CHD3: variants seen among roughly 807,000 people sequenced by gnomAD.
CHD3 encodes the protein ATP-dependent chromatin remodeler CHD3.
Under a neutral mutation model 248.9 loss-of-function variants are expected in CHD3, and 52 were observed. That is an observed-to-expected ratio of 0.21 (90% CI 0.17 to 0.26). CHD3 has a LOEUF of 0.26. CHD3 is among the 10% of genes least tolerant of loss of function. The pLI is 1.00. For synonymous variants in CHD3, 985 were observed against 985.2 expected (o/e 1.00, Z 0.00); for missense variants, 1,482 against 2,605.8 (o/e 0.57, Z 9.39).
At chr17:7,894,016 A>C in intron 6 of CHD3, 81 bp downstream of exon 6, 2 of 1,582,172 alleles carry the variant, frequency 1.3e-6, no homozygotes, top group Non-Finnish European at 1.7e-6. Flanking sequence ...AAGGATCCAG[A>C]GACAGGGATC....
In CHD3 at chr17:7,907,061, CAG is replaced by C. The variant is rs1971055604; in HGVS notation, c.4666+32_4666+33del. ...TCAGAAGTCAGGATGGTGGGAGAGACAGAAAGGGAGCCAGGAGTCAGGGCGGG... is the reference window on the plus strand; with the variant it reads ...TCAGAAGTCAGGATGGTGGGAGAGACAAAGGGAGCCAGGAGTCAGGGCGGG... On this transcript the variant is annotated intron_variant, in intron 30 of 39. Transcript: ENST00000330494. This position sits in a 1 kb window ranked among gnomAD's most constrained non-coding sequence, Gnocchi z 4.3. The C allele has an allele frequency of 6.2e-7, 1 of 1,613,680 alleles. No homozygotes were observed. The highest frequency in any genetic ancestry group is 1.1e-5 in the South Asian group (1 of 91,068).
At chr17:7,890,908 G>C in intron 3 of CHD3, 32 bp from the exon 4 acceptor site, 1 of 1,613,300 alleles carries the variant, frequency 6.2e-7, no homozygotes, top group Non-Finnish European at 8.5e-7. Context: ...GGCTGGAGGA[G>C]CACCTACTTC....
rs1302704436 is a variant in CHD3 at position 7,897,327 on chromosome 17, G to T, written c.1919+33G>T. On this transcript the variant is annotated intron_variant, in intron 11 of 39. Coordinates refer to ENST00000330494, the MANE Select transcript of CHD3 (RefSeq NM_001005273.3). This position sits in a 1 kb window ranked among gnomAD's most constrained non-coding sequence, Gnocchi z 4.8. ...CTCGGTCCCTGGGAAGTCAGACCTG[G>T]TATATGACATTATTCTTACCATGGT... is the stretch of plus-strand genomic sequence containing the variant. 6.4e-7 allele frequency: 1 copy of T among 1,556,250 alleles called. No individual in the cohort carries two copies.
chr17:7,906,410 A>C lies in CHD3; in HGVS notation c.4359-143A>C, dbSNP rs1215636657. 1 of 808,784 alleles carries C rather than the reference A, an allele frequency of 1.2e-6. No individual in the cohort carries two copies. The highest frequency in any genetic ancestry group is 1.6e-5 in the South Asian group (1 of 61,644). The allele number at this position is 808,784 out of a possible 1,614,324, so 50.1% of individuals were successfully genotyped here. ...AGGACTTGGAGGGCTGGTAATGGTG[A>C]GAGTGAGAGGCCCAGGGGAGGAGCC... is the stretch of plus-strand genomic sequence containing the variant. On this transcript the variant is annotated intron_variant, in intron 28 of 39. Coordinates refer to ENST00000330494, the MANE Select transcript of CHD3 (RefSeq NM_001005273.3). The surrounding 1 kb of genome is among the most constrained non-coding windows in gnomAD (Gnocchi z 5.0).
At chr17:7,888,185 G>A (rs551456071), upstream of CHD3, among the ~76,000 whole-genome samples, 56 of 152,296 alleles carry the variant, frequency 3.7e-4, no homozygotes, top group Non-Finnish European at 5.1e-4. Context: ...GGCTCTGGCA[G>A]CCACCCCCCT....
chr17:7,912,272 C>CA lies in CHD3; in HGVS notation c.*692dup, dbSNP rs1331868215. On this transcript the variant is annotated 3_prime_UTR_variant, in exon 40 of 40. Transcript: ENST00000330494. ...CCCTAGGGACCAAGGACCACCCCTA[C>CA]AAAAAGAGTAATGGTTGGGTGATAC... 6.3e-6 allele frequency: 1 copy of CA among 158,996 alleles called. No homozygotes were observed. Among genetic ancestry groups the CA allele is most frequent in the Non-Finnish European group, 1.4e-5 (1 of 73,126 alleles). The allele number at this position is 158,996 out of a possible 1,614,324, so 9.8% of individuals were successfully genotyped here. A position where few individuals can be genotyped will look rare whatever the true frequency, so the allele number is the denominator to read the frequency against.
chr17:7,885,083 G>C, upstream of CHD3: 1 of 970,632 alleles, frequency 1.0e-6, no homozygotes, highest in Non-Finnish European at 1.2e-6. Flanking sequence ...CCCGCCGCCA[G>C]GTAAGCGCCC....
chr17:7,894,364 T>C, intron 7 of CHD3, 51 bp from the exon 8 acceptor site: 1 of 1,588,736 alleles, frequency 6.3e-7, no homozygotes, highest in Non-Finnish European at 8.6e-7. Context: ...CCTCTCTCTC[T>C]CCATCTCCCC....
In CHD3 at chr17:7,908,509, C is replaced by G. The variant is rs764343442; in HGVS notation, c.5260C>G (p.Leu1754Val). ...CTATTGGCTTCTGGCTGGGATTGTCCTGTATCCTTTGATACACATGCAAGA... is the reference window on the plus strand; with the variant it reads ...CTATTGGCTTCTGGCTGGGATTGTCGTGTATCCTTTGATACACATGCAAGA... ...HDYWLLAGIV[L>V]HGYARWQDIQ... The change falls in exon 35 of 40, where the codon CTC becomes GTC. Residue 1754 changes from leucine (L) to valine (V), a missense_variant and splice_region_variant. Physicochemically the swap from Leu to Val is conservative, Grantham distance 32. Transcript: ENST00000330494. The surrounding 1 kb of genome is among the most constrained non-coding windows in gnomAD (Gnocchi z 5.8). 1 of 1,612,670 alleles carries G rather than the reference C, an allele frequency of 6.2e-7. No individual in the cohort carries two copies. The highest frequency in any genetic ancestry group is 1.7e-5 in the Admixed American group (1 of 59,950).
intron 19 of CHD3, 39 bp downstream of exon 19, chr17:7,901,032 C>T (rs1970234820): frequency 6.3e-7 from 1 of 1,598,764 alleles, no homozygotes; most frequent in African/African-American, 1.3e-5. Context: ...AACGCCCATT[C>T]TCAGAAAACA....
Position 7,899,627 on chromosome 17 carries a change from C to G in CHD3, c.2544+84C>G. The G allele has an allele frequency of 7.3e-7, 1 of 1,372,240 alleles. No individual in the cohort carries two copies. The highest frequency in any genetic ancestry group is 1.0e-6 in the Non-Finnish European group (1 of 981,746). The allele number at this position is 1,372,240 out of a possible 1,614,324, so 85.0% of individuals were successfully genotyped here. A position where few individuals can be genotyped will look rare whatever the true frequency, so the allele number is the denominator to read the frequency against. On this transcript the variant is annotated intron_variant, in intron 15 of 39. Transcript: ENST00000330494. This position sits in a 1 kb window ranked among gnomAD's most constrained non-coding sequence, Gnocchi z 6.8. ...GCCAGGAATTCAGTTTCTCTATTCC[C>G]CTCCTCACCTTTCTCCTCTTCCTCC...
Position 7,901,263 on chromosome 17 carries a change from G to T in CHD3, c.3140G>T (p.Ser1047Ile). Residue 1047 changes from serine to isoleucine, a missense_variant, in exon 20 of 40, where the codon AGT becomes ATT. Ser to Ile is a moderately radical substitution (Grantham distance 142). Around this residue, in one of 20 missense-constraint regions of CHD3, gnomAD observed 31 missense variants for 53.9 expected, o/e 0.58. Coordinates refer to ENST00000330494, the MANE Select transcript of CHD3 (RefSeq NM_001005273.3). ...VAAMESPKLP[S>I]GAYEGGALIK... ...TTTCAGGAGTCCCCCAAACTCCCCAGTGGGGCTTATGAGGGTGGGGCACTT... is the reference window on the plus strand; with the variant it reads ...TTTCAGGAGTCCCCCAAACTCCCCATTGGGGCTTATGAGGGTGGGGCACTT... 2 of 1,611,118 alleles carry T rather than the reference G, an allele frequency of 1.2e-6. No individual in the cohort carries two copies. The highest frequency in any genetic ancestry group is 1.7e-6 in the Non-Finnish European group (2 of 1,178,428).
At chr17:7,887,244 G>C (rs1352903577), upstream of CHD3, among the ~76,000 whole-genome samples, 1 of 152,070 alleles carries the variant, frequency 6.6e-6, no homozygotes, top group East Asian at 1.9e-4. Context: ...TTTCCATTCC[G>C]ACTGCTTTGA....
chr17:7,894,696 A>T, intron 8 of CHD3, 88 bp downstream of exon 8: 1 of 1,430,168 alleles, frequency 7.0e-7, no homozygotes, highest in Non-Finnish European at 9.6e-7. Context: ...TCCTGCCCCC[A>T]GATGGCTGGA....
At position 7,903,478 on chromosome 17, in the gene CHD3, A is replaced by G; in HGVS notation, c.3702A>G (p.Glu1234=). The change falls in exon 23 of 40, where the codon GAA becomes GAG. Residue 1234 remains glutamate (E), a synonymous_variant. Transcript: ENST00000330494. The surrounding 1 kb of genome is among the most constrained non-coding windows in gnomAD (Gnocchi z 6.8). ...ACGACATTCTCAAATTTGGCACTGA[A>G]GAGCTATTCAAGGATGAAAACGAGG... ...ELDDILKFGT[E]ELFKDENEGE... is the part of the protein sequence containing the mutation. 1 of 1,614,102 alleles carries G rather than the reference A, an allele frequency of 6.2e-7. No homozygotes were observed. Among genetic ancestry groups the G allele is most frequent in the South Asian group, 1.1e-5 (1 of 91,072 alleles).
In CHD3 at chr17:7,904,815, G is replaced by A. The variant is rs1272341712; in HGVS notation, c.4072+196G>A. ...GGTTTGCAGGAGATTTAAACTCTTC[G>A]GTGGTTGCACAGGCATCCTGTGGAC... is the stretch of plus-strand genomic sequence containing the variant. On this transcript the variant is annotated intron_variant, in intron 25 of 39. Transcript: ENST00000330494. The surrounding 1 kb of genome is among the most constrained non-coding windows in gnomAD (Gnocchi z 4.4). 1.3e-5 allele frequency among the ~76,000 whole-genome samples: 2 copies of A among 152,146 alleles called. No individual in the cohort carries two copies. Among genetic ancestry groups the A allele is most frequent in the Non-Finnish European group, 2.9e-5 (2 of 68,020 alleles).
In CHD3 at chr17:7,910,882, G is replaced by A. The variant is rs201436753; in HGVS notation, c.5790G>A (p.Gly1930=). 6 of 1,612,096 alleles carry A rather than the reference G, an allele frequency of 3.7e-6. No individual in the cohort carries two copies. The African/African-American group carries it at 5.4e-5, about 14-fold the overall frequency. Residue 1930 remains glycine, a synonymous_variant, in exon 39 of 40, where the codon GGG becomes GGA. Coordinates refer to ENST00000330494, the MANE Select transcript of CHD3 (RefSeq NM_001005273.3). This position sits in a 1 kb window ranked among gnomAD's most constrained non-coding sequence, Gnocchi z 4.7. The part of the protein sequence containing the change: ...YPPGPYATPP[G]YGAAFSAAPV... ...CGGGTCCCTACGCTACACCTCCGGG[G>A]TACGGGGCGGCCTTCAGCGCCGCAC...
At position 7,894,967 on chromosome 17, in the gene CHD3, AGAG is replaced by A. The variant is rs1375191399; in HGVS notation, c.1325_1327del (p.Glu442del). On this transcript the variant is annotated inframe_deletion, in exon 9 of 40. Transcript: ENST00000330494. ...CCAAGGAGGAAGAAGAAGAATACGA[AGAG>A]GAGGGAGAGGAAGAAGGGGAGAAGG... 4.3e-6 allele frequency: 7 copies of A among 1,613,460 alleles called. No homozygotes were observed. The highest frequency in any genetic ancestry group is 1.6e-4 in the Middle Eastern group (1 of 6,084).
In CHD3 at chr17:7,897,861, G is replaced by A; in HGVS notation, c.1920-110G>A. ...CCAGCAGCTCACTGTTGACGGTTGG[G>A]TGACAAATTTTGTGTGTTTGCTGAT... On this transcript the variant is annotated intron_variant, in intron 11 of 39. Transcript: ENST00000330494. This position sits in a 1 kb window ranked among gnomAD's most constrained non-coding sequence, Gnocchi z 4.8. 2 of 1,244,562 alleles carry A rather than the reference G, an allele frequency of 1.6e-6. No homozygotes were observed. The highest frequency in any genetic ancestry group is 2.2e-6 in the Non-Finnish European group (2 of 890,868). 77.1% of individuals were successfully genotyped at this position (1,244,562 alleles called of 1,614,324 possible).
Sources: gnomAD v4.1 joint callset for allele counts (sites outside exome capture counted in the v4.1 genomes callset) on GRCh38, gnomAD v4.1.1 for gene constraint, gnomAD v4.1.1 regional missense constraint, Gnocchi (gnomAD v3.1) non-coding constraint, MANE v1.5 for transcripts, NCBI Gene and HGNC (gene_info 2026-07-23, HGNC 2026-07-21) for gene names.